The following KLRK1 variants were observed in gnomAD, a reference collection of about 807,000 sequenced individuals.
The protein encoded by KLRK1 is NKG2-D type II integral membrane protein.
A neutral mutation model predicts 31.3 loss-of-function variants in KLRK1; 40 were observed. The observed-to-expected ratio is 1.28, with a 90% CI of 0.99 to 1.67. The LOEUF is 1.67. KLRK1 is among the 40% of genes most tolerant of loss of function. The pLI, the probability that KLRK1 is intolerant of heterozygous loss-of-function variation, is 0.00. For missense variants in KLRK1, 251 were observed against 260.0 expected, an observed-to-expected ratio of 0.97 and a Z score of 0.24; for synonymous variants, 77 against 77.3, an observed-to-expected ratio of 1.00 and a Z score of 0.02.
At chr12:10,382,232 AT>A (rs1468018429) in intron 3 of KLRK1, 1 of 152,256 alleles carries the variant, frequency 6.6e-6, no homozygotes, top group Non-Finnish European at 1.5e-5. Flanking sequence ...GAATAACCAA[AT>A]ACCGGAAGGT....
intron 2 of KLRK1, 144 bp from the exon 3 acceptor site, chr12:10,387,154 T>G: frequency 3.5e-6 from 2 of 577,028 alleles, no homozygotes; most frequent in South Asian, 4.9e-5. Context: ...TACTTTTGTT[T>G]TATAGTACTA....
intron 1 of KLRK1, among the ~76,000 whole-genome samples, chr12:10,389,703 T>A (rs1042130202): frequency 6.6e-6 from 1 of 152,118 alleles, no homozygotes; most frequent in Non-Finnish European, 1.5e-5. Flanking sequence ...GGCTTCTTCT[T>A]ATAGTAATAT....
At chr12:10,380,444 C>T (rs1390321244) in intron 3 of KLRK1, among the ~76,000 whole-genome samples, 1 of 152,150 alleles carries the variant, frequency 6.6e-6, no homozygotes, top group Admixed American at 6.5e-5. Context: ...ACTACAGGCA[C>T]CCAGCACTCA....
chr12:10,378,787 T>C, intron 5 of KLRK1, 82 bp from the exon 6 acceptor site: 1 of 1,411,158 alleles, frequency 7.1e-7, no homozygotes, highest in Non-Finnish European at 9.5e-7. Flanking sequence ...AATGCCTTTT[T>C]CACTCCAACT....
intron 5 of KLRK1, 59 bp downstream of exon 5, chr12:10,379,388 C>T: frequency 1.9e-6 from 2 of 1,070,678 alleles, no homozygotes; most frequent in Non-Finnish European, 2.6e-6. Context: ...CATGTCTACA[C>T]AATAATGTAG....
At position 10,373,192 on chromosome 12, in the gene KLRK1, G is replaced by A; in HGVS notation, c.573C>T (p.Leu191=). The change falls in exon 8 of 8, where the codon CTC becomes CTT. Residue 191 remains leucine (L), a synonymous_variant. Coordinates refer to ENST00000240618, the MANE Select transcript of KLRK1 (RefSeq NM_007360.4). ...TATAGCCTTTAAAGCTCGAGGCATA[G>A]AGTGCACAGTCTCCCTTCTGCATTT... The part of the protein sequence containing the change: ...IIEMQKGDCA[L]YASSFKGYIE... 1.2e-6 allele frequency: 2 copies of A among 1,611,606 alleles called. No homozygotes were observed. The highest frequency in any genetic ancestry group is 1.7e-6 in the Non-Finnish European group (2 of 1,179,204).
At chr12:10,377,229 T>C (rs1345690072) in intron 7 of KLRK1, among the ~76,000 whole-genome samples, 3 of 152,216 alleles carry the variant, frequency 2.0e-5, no homozygotes, top group African/African-American at 2.4e-5. Flanking sequence ...TTGTAAAATA[T>C]CATCACCACT....
At chr12:10,375,677 AGTGACAAAATGCTTAG>A (rs1456777007) in intron 7 of KLRK1, among the ~76,000 whole-genome samples, 1 of 152,246 alleles carries the variant, frequency 6.6e-6, no homozygotes, top group Admixed American at 6.5e-5. Flanking sequence ...GAAAAGCAGT[AGTGACAAAATGCTTAG>A]GTTTCATTCC....
chr12:10,378,950 T>C (rs990601591), intron 5 of KLRK1: 1 of 326,786 alleles, frequency 3.1e-6, no homozygotes, highest in Non-Finnish European at 5.4e-6. Flanking sequence ...GGTTAGAAGT[T>C]TGATACCAGC....
chr12:10,378,765 C>A, intron 5 of KLRK1, 60 bp from the exon 6 acceptor site: 2 of 1,514,276 alleles, frequency 1.3e-6, no homozygotes, highest in South Asian at 2.7e-5. Context: ...CAGATTTTGT[C>A]TAGACAAATT....
intron 3 of KLRK1, among the ~76,000 whole-genome samples, chr12:10,385,200 A>C (rs2137817750): frequency 6.6e-6 from 1 of 152,176 alleles, no homozygotes; most frequent in Middle Eastern, 3.4e-3. Flanking sequence ...AAAAACTAAA[A>C]ATATAACTAC....
chr12:10,380,807 T>A (rs2417734), intron 3 of KLRK1, among the ~76,000 whole-genome samples: 113,496 of 152,072 alleles, frequency 0.75, 43,237 homozygotes, highest in South Asian at 0.88. Context: ...GAATTCACAC[T>A]GGGGTCCCTC....
At chr12:10,384,678 T>C (rs1416742739) in intron 3 of KLRK1, among the ~76,000 whole-genome samples, 2 of 151,996 alleles carry the variant, frequency 1.3e-5, no homozygotes, top group African/African-American at 4.8e-5. Context: ...CACAGGACAT[T>C]AGTCTAGGCA....
intron 3 of KLRK1, among the ~76,000 whole-genome samples, chr12:10,380,059 G>GTTTTTTTTTTTTTTTTTTTTTTTTT (rs1162094591): frequency 1.2e-5 from 1 of 83,766 alleles, no homozygotes; most frequent in Non-Finnish European, 2.2e-5. Flanking sequence ...TGTTGTTATT[G>GTTTTTTTTTTTTTTTTTTTTTTTTT]TTTTTTTTTT....
At chr12:10,387,575 CTT>C (rs778380250) in intron 2 of KLRK1, among the ~76,000 whole-genome samples, 9 of 142,746 alleles carry the variant, frequency 6.3e-5, no homozygotes, top group Admixed American at 7.0e-5. Context: ...TTCTTCTTTT[CTT>C]TTTTTTTTTT....
chr12:10,373,333 AT>A (rs1862898531), intron 7 of KLRK1, 102 bp from the exon 8 acceptor site: 4 of 923,586 alleles, frequency 4.3e-6, no homozygotes, highest in Non-Finnish European at 6.4e-6. Context: ...ACTTAATACC[AT>A]TTTAGGAGAT....
chr12:10,379,027 G>A (rs1163554637), intron 5 of KLRK1: 21 of 198,466 alleles, frequency 1.1e-4, no homozygotes, highest in African/African-American at 4.0e-4. Context: ...GGTGGCTCAC[G>A]CCTGCAGTCC....
intron 7 of KLRK1, among the ~76,000 whole-genome samples, 196 bp downstream of exon 7, chr12:10,377,936 T>C (rs1862995872): frequency 6.6e-6 from 1 of 152,218 alleles, no homozygotes; most frequent in African/African-American, 2.4e-5. Context: ...ACAATTTGTA[T>C]TACTTACTAG....
intron 3 of KLRK1, among the ~76,000 whole-genome samples, chr12:10,384,109 G>A (rs79194965): frequency 0.018 from 2,694 of 151,828 alleles, 81 homozygotes; most frequent in African/African-American, 0.061. Flanking sequence ...AAACCAAAGA[G>A]GATGCAAAAA....
Sources: allele counts gnomAD v4.1 joint callset (sites outside exome capture counted in the v4.1 genomes callset), GRCh38; gene constraint gnomAD v4.1.1; transcripts MANE v1.5; gene names NCBI Gene and HGNC (gene_info 2026-07-23, HGNC 2026-07-21).